The following KLF12 variants were observed in gnomAD, a reference collection of about 807,000 sequenced individuals.
KLF12 encodes KLF transcription factor 12.
Under a neutral mutation model 37.8 loss-of-function variants are expected in KLF12, and 9 were observed. That is an observed-to-expected ratio of 0.24 (90% CI 0.14 to 0.42). KLF12 has a LOEUF of 0.42. KLF12 is among the 10% of genes least tolerant of loss of function. The pLI is 1.00. For missense variants in KLF12, 411 were observed against 516.0 expected (o/e 0.80, Z 1.97); for synonymous variants, 208 against 202.1 (o/e 1.03, Z -0.25).
chr13:73,715,498 G>T lies in KLF12; in HGVS notation c.897C>A (p.Ser299Arg), dbSNP rs1216790452. Residue 299 changes from serine (S) to arginine (R), a missense_variant, in exon 7 of 8, where the codon AGC becomes AGA. Ser to Arg is a moderately radical substitution (Grantham distance 110). Transcript: ENST00000377669. Reference sequence around the variant, plus strand: ...ATTCAGACCGTCTCTGGCGTCTTGTGCTCTCAATACTAAATGGTGAAATTG... The same window carrying T: ...ATTCAGACCGTCTCTGGCGTCTTGTTCTCTCAATACTAAATGGTGAAATTG... 9 of 1,614,006 alleles carry T rather than the reference G, an allele frequency of 5.6e-6. No homozygotes were observed. The highest frequency in any genetic ancestry group is 7.6e-6 in the Non-Finnish European group (9 of 1,179,936).
chr13:74,153,678 G>A, the KLF12 span, among the ~76,000 whole-genome samples: 1 of 152,116 alleles, frequency 6.6e-6, no homozygotes, highest in Non-Finnish European at 1.5e-5. Context: ...ACAGCATTTG[G>A]TTTGTTAGAG....
At chr13:73,771,754 A>G (rs1477281482) in intron 5 of KLF12, among the ~76,000 whole-genome samples, 13 of 152,244 alleles carry the variant, frequency 8.5e-5, no homozygotes, top group Admixed American at 8.5e-4. Context: ...AAATTATAAG[A>G]GATTTCAAAT....
chr13:74,153,857 C>A, the KLF12 span, among the ~76,000 whole-genome samples: 3 of 152,102 alleles, frequency 2.0e-5, no homozygotes, highest in Admixed American at 1.3e-4. Flanking sequence ...AATTTTTAAC[C>A]CTTTACTTTC....
chr13:74,203,091 A>G, the KLF12 span, among the ~76,000 whole-genome samples: 1 of 152,152 alleles, frequency 6.6e-6, no homozygotes, highest in East Asian at 1.9e-4. Flanking sequence ...ATGGGGTTCC[A>G]TTAAGAAAGT....
At chr13:73,946,823 C>T (rs950912052) in intron 2 of KLF12, among the ~76,000 whole-genome samples, 3 of 152,216 alleles carry the variant, frequency 2.0e-5, no homozygotes, top group Non-Finnish European at 2.9e-5. Flanking sequence ...CGGATCTAAC[C>T]TCAATCCTCA....
At chr13:73,928,133 G>A (rs1425541164) in intron 3 of KLF12, among the ~76,000 whole-genome samples, 1 of 152,216 alleles carries the variant, frequency 6.6e-6, no homozygotes, top group African/African-American at 2.4e-5. Context: ...TGGGATTACA[G>A]GCGTGAGCCA....
intron 3 of KLF12, among the ~76,000 whole-genome samples, chr13:73,937,477 T>G (rs1890000162): frequency 6.6e-6 from 1 of 152,216 alleles, no homozygotes; most frequent in Non-Finnish European, 1.5e-5. Flanking sequence ...GCACTGACCC[T>G]ATAAAAATGC....
At chr13:73,987,282 A>T (rs761141929) in intron 2 of KLF12, among the ~76,000 whole-genome samples, 10 of 152,168 alleles carry the variant, frequency 6.6e-5, no homozygotes, top group Non-Finnish European at 1.2e-4. Flanking sequence ...GAAGGGAAGA[A>T]GCTGCCTTAT....
At position 73,794,083 on chromosome 13, in the gene KLF12, A is replaced by G. The variant is rs567912692; in HGVS notation, c.806+19069T>C. Among the ~76,000 whole-genome samples, 559 of 152,364 alleles carry G rather than the reference A, an allele frequency of 3.7e-3. 4 individuals carry two copies. The highest frequency in any genetic ancestry group is 6.3e-3 in the Non-Finnish European group (432 of 68,032). The stretch of plus-strand genomic sequence containing the variant: ...AAGGTGAGGCAACACTTCCAGGTCC[A>G]CTACTTGGCAGTGAGGGGGTTATCA... On this transcript the variant is annotated intron_variant, in intron 5 of 7. Transcript: ENST00000377669.
intron 3 of KLF12, among the ~76,000 whole-genome samples, chr13:73,878,545 C>A (rs910158348): frequency 6.6e-6 from 1 of 152,164 alleles, no homozygotes; most frequent in African/African-American, 2.4e-5. Flanking sequence ...GCTCAGCATG[C>A]CTCTGCCTTG....
At chr13:73,972,644 G>A (rs1180567806) in intron 2 of KLF12, among the ~76,000 whole-genome samples, 2 of 147,142 alleles carry the variant, frequency 1.4e-5, no homozygotes, top group African/African-American at 5.1e-5. Flanking sequence ...AGCTACAGTG[G>A]AGCAACTTCA....
intron 1 of KLF12, among the ~76,000 whole-genome samples, chr13:74,070,971 A>G (rs968074083): frequency 2.6e-5 from 4 of 152,232 alleles, no homozygotes; most frequent in African/African-American, 7.2e-5. Context: ...TAATACTGTT[A>G]ACACAACACA....
chr13:74,249,629 T>C, the KLF12 span, among the ~76,000 whole-genome samples: 1 of 152,194 alleles, frequency 6.6e-6, no homozygotes, highest in Non-Finnish European at 1.5e-5. Context: ...TCATTAATCA[T>C]AATTCTGTTT....
Position 73,943,985 on chromosome 13 carries a change from T to C in KLF12, c.119A>G (p.Gln40Arg). ...TTGCTGGAAACTTGTGCTTACCCCTTGTTCAGATTCCAAAAGCTCTGTTTT... is the reference window on the plus strand; with the variant it reads ...TTGCTGGAAACTTGTGCTTACCCCTCGTTCAGATTCCAAAAGCTCTGTTTT... The change falls in exon 3 of 8, where the codon CAA (glutamine) becomes CGA (arginine). Residue 40 changes from glutamine (Q) to arginine (R), a missense_variant. This residue lies in a region of KLF12 where 351 missense variants were observed against 397.8 expected (regional missense o/e 0.88). Coordinates refer to ENST00000377669, the MANE Select transcript of KLF12 (RefSeq NM_007249.5). 6.2e-7 allele frequency: 1 copy of C among 1,607,494 alleles called. No homozygotes were observed. The highest frequency in any genetic ancestry group is 8.5e-7 in the Non-Finnish European group (1 of 1,174,334).
rs1041428283 is a variant in KLF12, at chr13:73,739,947, T to TTC, written c.870-24423_870-24422insGA. On this transcript the variant is annotated intron_variant, in intron 6 of 7. Coordinates refer to ENST00000377669, the MANE Select transcript of KLF12 (RefSeq NM_007249.5). ...CATATTACCTTCTGAGGTGTGTTAATTAAGTGTAACAAGAAGCCTTCCTAG... is the reference window on the plus strand; with the variant it reads ...CATATTACCTTCTGAGGTGTGTTAATTCTAAGTGTAACAAGAAGCCTTCCTAG... Among the ~76,000 whole-genome samples, 3 of 122,024 alleles carry TTC rather than the reference T, an allele frequency of 2.5e-5. No individual in the cohort carries two copies. In the Admixed American group the frequency reaches 3.2e-4, roughly 13 times the overall value. 80.1% of individuals were successfully genotyped at this position (122,024 alleles called of 152,430 possible).
chr13:73,834,176 C>T (rs1352891116), intron 4 of KLF12, among the ~76,000 whole-genome samples: 2 of 152,122 alleles, frequency 1.3e-5, no homozygotes, highest in Non-Finnish European at 2.9e-5. Flanking sequence ...TAGAAATGAG[C>T]ATTTATAACA....
intron 3 of KLF12, among the ~76,000 whole-genome samples, chr13:73,910,235 T>C (rs1338009542): frequency 6.6e-6 from 1 of 152,172 alleles, no homozygotes; most frequent in South Asian, 2.1e-4. Context: ...CAGAAAAAGT[T>C]TGGAAATTTT....
chr13:74,237,612 T>C, the KLF12 span, among the ~76,000 whole-genome samples: 1 of 150,532 alleles, frequency 6.6e-6, no homozygotes, highest in Non-Finnish European at 1.5e-5. Context: ...TCCTCGTTTA[T>C]TTCCTTGAGC....
chr13:74,107,167 G>A (rs898930550), intron 1 of KLF12, among the ~76,000 whole-genome samples: 2 of 152,186 alleles, frequency 1.3e-5, no homozygotes, highest in Admixed American at 1.3e-4. Context: ...CCATTCACAA[G>A]GGTGGAGCAC....
Sources: gnomAD v4.1 joint callset for allele counts (sites outside exome capture counted in the v4.1 genomes callset) on GRCh38, gnomAD v4.1.1 for gene constraint, gnomAD v4.1.1 regional missense constraint, MANE v1.5 for transcripts, NCBI Gene and HGNC (gene_info 2026-07-23, HGNC 2026-07-21) for gene names.